Variants in DNAH10 observed in about 807,000 individuals in gnomAD.
DNAH10 encodes the protein dynein axonemal heavy chain 10.
Under a neutral mutation model 506.6 loss-of-function variants are expected in DNAH10, and 348 were observed. The ratio of observed to expected loss-of-function variants is 0.69; its 90% CI spans 0.63 to 0.75. The LOEUF is 0.75. Among genes scored for constraint, DNAH10 ranks in the 30% least tolerant of loss-of-function variants. DNAH10 has a pLI of 0.00. For missense variants in DNAH10, 5,179 were observed against 5,787.1 expected (o/e 0.89, Z 3.41); for synonymous variants, 2,059 against 2,198.6 (o/e 0.94, Z 1.78).
In DNAH10 at chr12:123,771,668, CAA is replaced by C. The variant is rs1305001640; in HGVS notation, c.368_369del (p.Lys123ArgfsTer50). 1 of 1,612,808 alleles carries C rather than the reference CAA, an allele frequency of 6.2e-7. No individual in the cohort carries two copies. Among genetic ancestry groups the C allele is most frequent in the Non-Finnish European group, 8.5e-7 (1 of 1,179,508 alleles). ...TAAACAGAGAGGATGAAGAAATGGA[CAA>C]AGAGATTTCAGAAAAACTCCCTTCC... ...PLNREDEEMD[K>X]EISEKLPSKR... is the part of the protein sequence containing the mutation. On this transcript the variant is annotated frameshift_variant, in exon 3 of 79. Transcript: ENST00000673944. LOFTEE classifies it high-confidence loss of function.
Position 123,913,009 on chromosome 12 carries a change from G to C in DNAH10, c.10135-89G>C. On this transcript the variant is annotated intron_variant, in intron 59 of 78. Transcript: ENST00000673944. The surrounding 1 kb of genome is among the most constrained non-coding windows in gnomAD (Gnocchi z 5.1). ...GAAAAGCACAGACACCATTAGAGCA[G>C]TTTAGACATGTGGCCTGGTTTGAGG... is the stretch of plus-strand genomic sequence containing the variant. 2 of 1,280,290 alleles carry C rather than the reference G, an allele frequency of 1.6e-6. No homozygotes were observed. Among genetic ancestry groups the C allele is most frequent in the South Asian group, 2.8e-5 (2 of 71,032 alleles). The allele number at this position is 1,280,290 out of a possible 1,614,324, so 79.3% of individuals were successfully genotyped here. A position where few individuals can be genotyped will look rare whatever the true frequency, so the allele number is the denominator to read the frequency against.
intron 1 of DNAH10, among the ~76,000 whole-genome samples, chr12:123,765,599 TA>T (rs1347968189): frequency 1.3e-5 from 2 of 149,320 alleles, no homozygotes; most frequent in African/African-American, 4.9e-5. Flanking sequence ...TATCTATCTA[TA>T]CATACCTCTA....
At chr12:123,905,563 T>G (rs745799436) in intron 57 of DNAH10, among the ~76,000 whole-genome samples, 3 of 152,160 alleles carry the variant, frequency 2.0e-5, no homozygotes, top group Non-Finnish European at 4.4e-5. Flanking sequence ...TTTTTGCATA[T>G]TTTGTAGATG....
chr12:123,850,178 A>G lies in DNAH10; in HGVS notation c.6103-710A>G, dbSNP rs773198514. 1.7e-4 allele frequency among the ~76,000 whole-genome samples: 15 copies of G among 88,364 alleles called. No homozygotes were observed. Among genetic ancestry groups the G allele is most frequent in the Non-Finnish European group, 3.2e-4 (14 of 43,330 alleles). 58.0% of individuals were successfully genotyped at this position (88,364 alleles called of 152,430 possible). The stretch of plus-strand genomic sequence containing the variant: ...GTTGGTGATGCAGACTGTGCCTCCT[A>G]ACAACAAAAATTTTCTGTCCTCTGC... On this transcript the variant is annotated intron_variant, in intron 34 of 78. Transcript: ENST00000673944. The surrounding 1 kb of genome is among the most constrained non-coding windows in gnomAD (Gnocchi z 5.5).
intron 25 of DNAH10, among the ~76,000 whole-genome samples, chr12:123,828,966 T>C (rs556572852): frequency 1.1e-4 from 16 of 152,312 alleles, no homozygotes; most frequent in Middle Eastern, 6.8e-3. Flanking sequence ...ATGTTGAGTG[T>C]GGACCCTCTA....
At position 123,838,629 on chromosome 12, in the gene DNAH10, T is replaced by A. The variant is rs1349809232; in HGVS notation, c.5076T>A (p.Asp1692Glu). The A allele has an allele frequency of 1.9e-5, 30 of 1,613,894 alleles. No homozygotes were observed. The highest frequency in any genetic ancestry group is 2.5e-5 in the Non-Finnish European group (30 of 1,179,888). Residue 1692 changes from aspartate to glutamate, a missense_variant, in exon 29 of 79, where the codon GAT (aspartate) becomes GAA (glutamate). Physicochemically the swap from Asp to Glu is conservative, Grantham distance 45. Transcript: ENST00000673944. Reference sequence around the variant, plus strand: ...CAAGGTTCTTCTTCATTTCTGACGATGAGTTGCTTAGCATTCTGGGGAGCA... The same window carrying A: ...CAAGGTTCTTCTTCATTTCTGACGAAGAGTTGCTTAGCATTCTGGGGAGCA... Reference protein sequence around the residue: ...AFPRFFFISDDELLSILGSSD... With the variant: ...AFPRFFFISDEELLSILGSSD...
intron 74 of DNAH10, 52 bp downstream of exon 74, chr12:123,931,524 C>T: frequency 6.2e-7 from 1 of 1,606,944 alleles, no homozygotes; most frequent in South Asian, 1.1e-5. Flanking sequence ...TTTACGATTG[C>T]TTCTTGTAGC....
chr12:123,897,185 C>G (rs930814974), intron 54 of DNAH10, among the ~76,000 whole-genome samples: 9 of 152,160 alleles, frequency 5.9e-5, no homozygotes, highest in African/African-American at 2.2e-4. Context: ...AACTTCATTC[C>G]TTTTTACAAG....
At chr12:123,829,170 G>A (rs1266652671) in intron 25 of DNAH10, among the ~76,000 whole-genome samples, 1 of 152,184 alleles carries the variant, frequency 6.6e-6, no homozygotes, top group Non-Finnish European at 1.5e-5. Flanking sequence ...AGGGGAGTGG[G>A]GTGGTCGAAG....
chr12:123,901,424 G>C (rs1953514625), intron 56 of DNAH10, among the ~76,000 whole-genome samples: 1 of 152,212 alleles, frequency 6.6e-6, no homozygotes, highest in Non-Finnish European at 1.5e-5. Flanking sequence ...GTAGTGCCTG[G>C]GCTGGGGACC....
intron 24 of DNAH10, among the ~76,000 whole-genome samples, chr12:123,821,180 G>A (rs957825905): frequency 1.3e-5 from 2 of 152,046 alleles, no homozygotes; most frequent in Admixed American, 6.6e-5. Context: ...AACCTGGGAG[G>A]TGGAGGTTGC....
chr12:123,919,323 C>T lies in DNAH10; in HGVS notation c.11506+374C>T, dbSNP rs1005965544. ...CTCCTGAGCTCAAACGATCCACCCA[C>T]CTTGGCCTCCTGAAGTGCTGGGATT... On this transcript the variant is annotated intron_variant, in intron 65 of 78. Transcript: ENST00000673944. This position sits in a 1 kb window ranked among gnomAD's most constrained non-coding sequence, Gnocchi z 4.9. Among the ~76,000 whole-genome samples the T allele has an allele frequency of 3.9e-5, 6 of 152,148 alleles. No individual in the cohort carries two copies. The highest frequency in any genetic ancestry group is 1.2e-4 in the African/African-American group (5 of 41,432).
chr12:123,859,136 T>C lies in DNAH10; in HGVS notation c.6631-14T>C. ...GATAATGTTTTAGCCCAGCTGCCAT[T>C]GTTTGTCCCGCAGGTGGATAAAGTG... is the stretch of plus-strand genomic sequence containing the variant. On this transcript the variant is annotated splice_polypyrimidine_tract_variant and intron_variant, in intron 37 of 78. Transcript: ENST00000673944. 6.2e-7 allele frequency: 1 copy of C among 1,601,374 alleles called. No individual in the cohort carries two copies. The highest frequency in any genetic ancestry group is 8.5e-7 in the Non-Finnish European group (1 of 1,173,888).
At position 123,926,904 on chromosome 12, in the gene DNAH10, C is replaced by G; in HGVS notation, c.12105+84C>G. On this transcript the variant is annotated intron_variant, in intron 69 of 78. Transcript: ENST00000673944. This position sits in a 1 kb window ranked among gnomAD's most constrained non-coding sequence, Gnocchi z 4.1. The stretch of plus-strand genomic sequence containing the variant: ...AAGAAGGAGCTAACCTGGGTTTAAG[C>G]TGAGTGCCACGCCACAAATCAGTTG... The G allele has an allele frequency of 6.9e-7, 1 of 1,455,160 alleles. No individual in the cohort carries two copies. Among genetic ancestry groups the G allele is most frequent in the Non-Finnish European group, 9.3e-7 (1 of 1,078,234 alleles). The allele number at this position is 1,455,160 out of a possible 1,614,324, so 90.1% of individuals were successfully genotyped here.
chr12:123,918,276 A>C (rs752391655), intron 64 of DNAH10, among the ~76,000 whole-genome samples: 20 of 152,214 alleles, frequency 1.3e-4, no homozygotes, highest in Admixed American at 2.0e-4. Context: ...GTAAGTGAGA[A>C]TCTTCCTGTT....
At chr12:123,848,241 G>A (rs1740001640) in intron 33 of DNAH10, 146 bp downstream of exon 33, 8 of 1,254,458 alleles carry the variant, frequency 6.4e-6, no homozygotes, top group South Asian at 1.5e-5. Flanking sequence ...CAGAACCTAA[G>A]TGTGTCTGCT....
At chr12:123,772,219 T>C (rs76807571) in intron 3 of DNAH10, among the ~76,000 whole-genome samples, 170 of 152,322 alleles carry the variant, frequency 1.1e-3, no homozygotes, top group Non-Finnish European at 1.8e-3. Flanking sequence ...GAGGTTGAAC[T>C]GATCCTGTAT....
At chr12:123,831,868 G>A (rs1420159486) in intron 26 of DNAH10, among the ~76,000 whole-genome samples, 18 of 150,336 alleles carry the variant, frequency 1.2e-4, no homozygotes, top group African/African-American at 4.2e-4. Flanking sequence ...TCGCACCACT[G>A]CACTCCAGCC....
Position 123,879,626 on chromosome 12 carries a change from G to A in DNAH10, c.8467-8G>A, listed in dbSNP as rs1241450032. On this transcript the variant is annotated splice_region_variant and splice_polypyrimidine_tract_variant and intron_variant, in intron 49 of 78. Transcript: ENST00000673944. ...AGTTTGGGTCCTTAAGTGGGCTTCT[G>A]TTTCAAGGTACAACAGCACATAGGC... 2 of 1,613,928 alleles carry A rather than the reference G, an allele frequency of 1.2e-6. No individual in the cohort carries two copies. The highest frequency in any genetic ancestry group is 2.2e-5 in the East Asian group (1 of 44,892).
Sources: gnomAD v4.1 joint callset for allele counts (sites outside exome capture counted in the v4.1 genomes callset) on GRCh38, gnomAD v4.1.1 for gene constraint, Gnocchi (gnomAD v3.1) non-coding constraint, MANE v1.5 for transcripts, NCBI Gene and HGNC (gene_info 2026-07-23, HGNC 2026-07-21) for gene names.